TAPT1: variants seen among roughly 807,000 people sequenced by gnomAD.
The protein encoded by TAPT1 is transmembrane anterior posterior transformation 1, also known as transmembrane anterior posterior transformation protein 1 homolog.
In TAPT1, 28 loss-of-function variants were observed where a neutral mutation model predicts 65.6. That is an observed-to-expected ratio of 0.43 (90% CI 0.32 to 0.59). The LOEUF (loss-of-function observed/expected upper bound fraction) is 0.59. Ranked by LOEUF, TAPT1 falls within the 20% of genes least tolerant of loss-of-function variation. The pLI, the probability that TAPT1 is intolerant of heterozygous loss-of-function variation, is 0.09. For synonymous variants in TAPT1, 278 were observed against 245.2 expected (o/e 1.13, Z -1.25); for missense variants, 563 against 679.9 (o/e 0.83, Z 1.91).
intron 2 of TAPT1, among the ~76,000 whole-genome samples, chr4:16,205,260 T>C (rs1163238035): frequency 6.6e-6 from 1 of 152,214 alleles, no homozygotes; most frequent in African/African-American, 2.4e-5. Flanking sequence ...GCAATATATC[T>C]CCTTGAATTA....
intron 2 of TAPT1, among the ~76,000 whole-genome samples, chr4:16,210,532 T>C (rs1287025970): frequency 6.6e-6 from 1 of 152,082 alleles, no homozygotes; most frequent in Non-Finnish European, 1.5e-5. Context: ...TTGTGAAAAA[T>C]TTTACATGCT....
At chr4:16,197,361 T>G (rs1323344919) in intron 3 of TAPT1, among the ~76,000 whole-genome samples, 1 of 152,234 alleles carries the variant, frequency 6.6e-6, no homozygotes, top group Non-Finnish European at 1.5e-5. Flanking sequence ...ATGTATCACT[T>G]TCTAAAATGT....
intron 7 of TAPT1, among the ~76,000 whole-genome samples, chr4:16,183,412 CAG>C (rs1748830678): frequency 6.6e-6 from 1 of 151,764 alleles, no homozygotes; most frequent in South Asian, 2.1e-4. Flanking sequence ...TTTTTTTTCC[CAG>C]AGTTTTCTTA....
intron 8 of TAPT1, among the ~76,000 whole-genome samples, chr4:16,178,379 T>C (rs1748484413): frequency 6.6e-6 from 1 of 152,210 alleles, no homozygotes; most frequent in South Asian, 2.1e-4. Context: ...ACTTGAAAAT[T>C]ACCAATGAAT....
chr4:16,167,436 C>CA lies in TAPT1; in HGVS notation c.1314-644dup. Among the ~76,000 whole-genome samples, 2 of 152,326 alleles carry CA rather than the reference C, an allele frequency of 1.3e-5. 1 individual carries two copies. The highest frequency in any genetic ancestry group is 4.1e-4 in the South Asian group (2 of 4,828). On this transcript the variant is annotated intron_variant, in intron 12 of 13. Transcript: ENST00000405303. ...AACATAATAAAATTACATGATTCCA[C>CA]ACCCTTATGATAATCACTGTGACAT... is the stretch of plus-strand genomic sequence containing the variant.
intron 3 of TAPT1, among the ~76,000 whole-genome samples, chr4:16,199,015 A>G (rs1346685320): frequency 6.6e-6 from 1 of 152,198 alleles, no homozygotes; most frequent in African/African-American, 2.4e-5. Flanking sequence ...ATTTTGATAA[A>G]CCATACTTAA....
chr4:16,220,614 T>C (rs1412994129), intron 1 of TAPT1, among the ~76,000 whole-genome samples: 1 of 152,008 alleles, frequency 6.6e-6, no homozygotes, highest in Non-Finnish European at 1.5e-5. Context: ...CTGGGCATGG[T>C]GGTGCACGCC....
intron 3 of TAPT1, among the ~76,000 whole-genome samples, chr4:16,195,911 T>A (rs191344379): frequency 6.6e-6 from 1 of 152,248 alleles, no homozygotes; most frequent in Admixed American, 6.5e-5. Context: ...GGAGAATCCC[T>A]GCATAGTTAT....
chr4:16,178,780 A>C (rs987985741), intron 8 of TAPT1, among the ~76,000 whole-genome samples: 1 of 152,202 alleles, frequency 6.6e-6, no homozygotes, highest in Non-Finnish European at 1.5e-5. Context: ...TAAGTAGCAA[A>C]ATTTCCACCT....
At chr4:16,201,914 G>A (rs1750055430) in intron 3 of TAPT1, among the ~76,000 whole-genome samples, 1 of 152,086 alleles carries the variant, frequency 6.6e-6, no homozygotes, top group Non-Finnish European at 1.5e-5. Context: ...CTTCCCCGTG[G>A]GGACAATGGT....
chr4:16,183,392 C>CATT (rs1748828996), intron 7 of TAPT1, among the ~76,000 whole-genome samples: 1 of 152,014 alleles, frequency 6.6e-6, no homozygotes, highest in Non-Finnish European at 1.5e-5. Context: ...CATACCTGAT[C>CATT]ATTATATCAT....
chr4:16,167,645 G>T (rs1420030801), intron 12 of TAPT1, among the ~76,000 whole-genome samples: 1 of 152,122 alleles, frequency 6.6e-6, no homozygotes, highest in Non-Finnish European at 1.5e-5. Context: ...TGTGCACCTG[G>T]GCAAGCTACT....
At chr4:16,196,612 G>A (rs1749718690) in intron 3 of TAPT1, 1 of 1,045,844 alleles carries the variant, frequency 9.6e-7, no homozygotes, top group African/African-American at 1.6e-5. Context: ...TTTAATGAAT[G>A]TCAATTTGGC....
At chr4:16,169,287 A>AGTGTAACT (rs1266270772) in intron 12 of TAPT1, among the ~76,000 whole-genome samples, 5 of 152,226 alleles carry the variant, frequency 3.3e-5, no homozygotes, top group African/African-American at 1.2e-4. Flanking sequence ...TGCACAGGCA[A>AGTGTAACT]GTGTAACTAA....
At chr4:16,166,819 C>A in intron 12 of TAPT1, 26 bp from the exon 13 acceptor site, 1 of 1,610,130 alleles carries the variant, frequency 6.2e-7, no homozygotes. Context: ...AAACAAACCA[C>A]ATCCGTTGGA....
chr4:16,222,873 T>G (rs1004094614), intron 1 of TAPT1, among the ~76,000 whole-genome samples: 2 of 152,148 alleles, frequency 1.3e-5, no homozygotes, highest in African/African-American at 4.8e-5. Context: ...AAGAAATGGG[T>G]CCATGGCACT....
chr4:16,174,403 A>G lies in TAPT1; in HGVS notation c.1168-131T>C, dbSNP rs1292673988. 5.7e-5 allele frequency: 46 copies of G among 808,026 alleles called. 1 individual carries two copies. The East Asian group carries it at 1.3e-3, about 22-fold the overall frequency. The allele number at this position is 808,026 out of a possible 1,614,324, so 50.1% of individuals were successfully genotyped here. ...GGAGCAAGAACAGAACCTGGCACTTATAAAATGATGTGGAAATCCAAATGT... is the reference window on the plus strand; with the variant it reads ...GGAGCAAGAACAGAACCTGGCACTTGTAAAATGATGTGGAAATCCAAATGT... On this transcript the variant is annotated intron_variant, in intron 10 of 13. Transcript: ENST00000405303.
chr4:16,161,820 A>G lies in TAPT1; in HGVS notation c.*1488T>C, dbSNP rs899935461. On this transcript the variant is annotated 3_prime_UTR_variant, in exon 14 of 14. Coordinates refer to ENST00000405303, the MANE Select transcript of TAPT1 (RefSeq NM_153365.3). ...AGCTTGCTTTATATTTCATCCAAGA[A>G]ACAGACAAATCACCTAAAAATTGCT... 6.6e-6 allele frequency: 1 copy of G among 152,210 alleles called. No individual in the cohort carries two copies. Among genetic ancestry groups the G allele is most frequent in the Non-Finnish European group, 1.5e-5 (1 of 68,032 alleles). The allele number at this position is 152,210 out of a possible 1,614,324, so 9.4% of individuals were successfully genotyped here.
chr4:16,218,442 A>G (rs1423409726), intron 1 of TAPT1, among the ~76,000 whole-genome samples: 1 of 152,202 alleles, frequency 6.6e-6, no homozygotes, highest in Non-Finnish European at 1.5e-5. Flanking sequence ...ATTCTCCACA[A>G]TGGTGTCTTC....
Sources: gnomAD v4.1 joint callset for allele counts (sites outside exome capture counted in the v4.1 genomes callset) on GRCh38, gnomAD v4.1.1 for gene constraint, MANE v1.5 for transcripts, NCBI Gene and HGNC (gene_info 2026-07-23, HGNC 2026-07-21) for gene names.